The following PDE7B variants were observed in gnomAD, a reference collection of about 807,000 sequenced individuals.
PDE7B encodes the protein phosphodiesterase 7B, also known as 3',5'-cyclic-AMP phosphodiesterase 7B.
In PDE7B, 29 loss-of-function variants were observed where a neutral mutation model predicts 56.2. The ratio of observed to expected loss-of-function variants is 0.52; its 90% CI spans 0.38 to 0.70. The LOEUF (loss-of-function observed/expected upper bound fraction) is 0.70. Ranked by LOEUF, PDE7B falls within the 30% of genes least tolerant of loss-of-function variation. PDE7B has a pLI of 0.00. For synonymous variants in PDE7B, 197 were observed against 196.9 expected (o/e 1.00, Z 0.00); for missense variants, 490 against 565.0 (o/e 0.87, Z 1.35).
chr6:135,936,498 G>A (rs1306389927), intron 1 of PDE7B, among the ~76,000 whole-genome samples: 1 of 152,166 alleles, frequency 6.6e-6, no homozygotes, highest in African/African-American at 2.4e-5. Context: ...CAGACAAAAA[G>A]GCGCTTGTCC....
At chr6:136,008,415 G>A (rs367891813) in intron 2 of PDE7B, among the ~76,000 whole-genome samples, 11 of 152,064 alleles carry the variant, frequency 7.2e-5, no homozygotes, top group South Asian at 2.1e-4. Flanking sequence ...CCACACTGAC[G>A]TCCACAATGG....
intron 2 of PDE7B, among the ~76,000 whole-genome samples, chr6:135,959,874 A>C (rs962586990): frequency 6.6e-6 from 1 of 152,134 alleles, no homozygotes; most frequent in African/African-American, 2.4e-5. Flanking sequence ...CCTGGGCTTA[A>C]GCAATCCTTT....
At chr6:135,933,502 A>G (rs1272428550) in intron 1 of PDE7B, among the ~76,000 whole-genome samples, 2 of 152,234 alleles carry the variant, frequency 1.3e-5, no homozygotes, top group Non-Finnish European at 2.9e-5. Flanking sequence ...AAGCTAAGAT[A>G]TAACTCTTGC....
intron 11 of PDE7B, among the ~76,000 whole-genome samples, chr6:136,182,361 A>G (rs1312765058): frequency 6.6e-6 from 1 of 152,198 alleles, no homozygotes; most frequent in African/African-American, 2.4e-5. Context: ...GTTGCCCCTA[A>G]ATAAAATCTC....
At chr6:136,009,771 A>G (rs1775855627) in intron 2 of PDE7B, among the ~76,000 whole-genome samples, 1 of 152,232 alleles carries the variant, frequency 6.6e-6, no homozygotes, top group African/African-American at 2.4e-5. Context: ...CAATCATGTC[A>G]TCTGCAAACA....
chr6:136,083,407 G>A (rs1777237164), intron 2 of PDE7B, among the ~76,000 whole-genome samples: 1 of 152,122 alleles, frequency 6.6e-6, no homozygotes, highest in Non-Finnish European at 1.5e-5. Context: ...ATGCCCACCT[G>A]TATAGAAAAA....
rs75442776 is a variant in PDE7B at position 136,081,777 on chromosome 6, A to G, written c.83-26954A>G. Among the ~76,000 whole-genome samples the G allele has an allele frequency of 3.1e-3, 474 of 152,386 alleles. 4 individuals carry two copies. The highest frequency in any genetic ancestry group is 0.011 in the African/African-American group (447 of 41,596). On this transcript the variant is annotated intron_variant, in intron 2 of 12. Transcript: ENST00000308191. ...GGATTTATTCTGTGCTGAGCACTGC[A>G]AATACAAGAAGAGATAGAACCCACA...
At chr6:136,179,281 C>A (rs1354697360) in intron 10 of PDE7B, 140 bp downstream of exon 10, 3 of 692,110 alleles carry the variant, frequency 4.3e-6, no homozygotes, top group Non-Finnish European at 7.6e-6. Flanking sequence ...TTCAAGGCTA[C>A]AGTGAGCTAT....
chr6:136,169,136 A>G (rs1308223067), intron 8 of PDE7B, among the ~76,000 whole-genome samples: 1 of 152,116 alleles, frequency 6.6e-6, no homozygotes, highest in East Asian at 1.9e-4. Context: ...TGATCAAAAT[A>G]GTGGAGGGGT....
Position 136,048,109 on chromosome 6 carries a change from C to CAGAT in PDE7B, c.83-60613_83-60610dup, listed in dbSNP as rs1554276078. Among the ~76,000 whole-genome samples the CAGAT allele has an allele frequency of 1.9e-4, 25 of 132,082 alleles. 1 individual carries two copies. In the East Asian group the frequency reaches 3.4e-3, roughly 18 times the overall value. The allele number at this position is 132,082 out of a possible 152,430, so 86.7% of individuals were successfully genotyped here. A position where few individuals can be genotyped will look rare whatever the true frequency, so the allele number is the denominator to read the frequency against. ...ATAGATAGACAGACAGACAGACAGA[C>CAGAT]AGATAGATAGATGTGATATATAATA... On this transcript the variant is annotated intron_variant, in intron 2 of 12. Coordinates refer to ENST00000308191, the MANE Select transcript of PDE7B (RefSeq NM_018945.4).
At chr6:135,995,431 G>T (rs1303793446) in intron 2 of PDE7B, among the ~76,000 whole-genome samples, 2 of 152,070 alleles carry the variant, frequency 1.3e-5, no homozygotes, top group Admixed American at 6.6e-5. Flanking sequence ...AGTATTTTTT[G>T]TTGTTGTTGG....
chr6:136,171,793 C>T (rs1419917658), intron 8 of PDE7B, among the ~76,000 whole-genome samples: 1 of 124,314 alleles, frequency 8.0e-6, no homozygotes, highest in Non-Finnish European at 1.6e-5. Context: ...CCCCCTCCCC[C>T]GACCCCACAA....
chr6:136,190,740 CAAAG>C (rs751501282), intron 12 of PDE7B, among the ~76,000 whole-genome samples: 9 of 152,094 alleles, frequency 5.9e-5, no homozygotes, highest in African/African-American at 9.7e-5. Context: ...GACATGCAAA[CAAAG>C]AAGTCTCATA....
intron 2 of PDE7B, among the ~76,000 whole-genome samples, chr6:136,061,295 C>T (rs1031585634): frequency 2.6e-5 from 4 of 151,960 alleles, no homozygotes; most frequent in Non-Finnish European, 5.9e-5. Context: ...AATATTCACA[C>T]CGTTACATTT....
chr6:135,878,596 G>C (rs1315300499), intron 1 of PDE7B, among the ~76,000 whole-genome samples: 1 of 151,950 alleles, frequency 6.6e-6, no homozygotes, highest in African/African-American at 2.4e-5. Context: ...TATATCTTTG[G>C]TATAAATTCC....
intron 11 of PDE7B, among the ~76,000 whole-genome samples, chr6:136,183,362 G>A (rs1375792978): frequency 6.6e-6 from 1 of 152,068 alleles, no homozygotes; most frequent in Non-Finnish European, 1.5e-5. Flanking sequence ...GGGAGGCCAA[G>A]GCGGGCGGAT....
At chr6:136,191,158 C>G (rs553905492) in intron 12 of PDE7B, among the ~76,000 whole-genome samples, 2 of 152,064 alleles carry the variant, frequency 1.3e-5, no homozygotes, top group East Asian at 3.9e-4. Flanking sequence ...AACAACCCTA[C>G]GAGTTTAGTA....
intron 1 of PDE7B, among the ~76,000 whole-genome samples, chr6:135,923,033 C>T (rs1338992028): frequency 1.3e-5 from 2 of 152,116 alleles, no homozygotes; most frequent in African/African-American, 2.4e-5. Flanking sequence ...AGGGATCCAA[C>T]CACCTTCTGG....
intron 2 of PDE7B, chr6:136,037,291 T>A (rs1489192290): frequency 2.5e-6 from 1 of 396,942 alleles, no homozygotes; most frequent in Non-Finnish European, 3.4e-6. Context: ...CGCATGAGGA[T>A]CTTGATGCTT....
Sources: gnomAD v4.1 joint callset for allele counts (sites outside exome capture counted in the v4.1 genomes callset) on GRCh38, gnomAD v4.1.1 for gene constraint, MANE v1.5 for transcripts, NCBI Gene and HGNC (gene_info 2026-07-23, HGNC 2026-07-21) for gene names.